OR2I1: variants seen among roughly 807,000 people sequenced by gnomAD.
The protein encoded by OR2I1 is putative olfactory receptor 2I1.
At chr6:29,557,691 G>A in the OR2I1 span, 1 of 152,202 alleles carries the variant, frequency 6.6e-6, no homozygotes, top group Non-Finnish European at 1.5e-5. Context: ...TTTTCAATCA[G>A]AAGCAAAACT....
At chr6:29,553,010 G>GCCAAGCTTGGAGTGTTGGCCAC in the OR2I1 span, 221 of 377,030 alleles carry the variant, frequency 5.9e-4, 2 homozygotes, top group South Asian at 0.011. Flanking sequence ...GTGTTGGCCA[G>GCCAAGCTTGGAGTGTTGGCCAC]GCCAAGCTTG....
chr6:29,554,143 G>C, the OR2I1 span: 1 of 399,350 alleles, frequency 2.5e-6, no homozygotes, highest in Non-Finnish European at 4.4e-6. Context: ...GCGGAGTCTG[G>C]GGAGAGGCCA....
chr6:29,556,054 C>G, the OR2I1 span: 1 of 1,613,142 alleles, frequency 6.2e-7, no homozygotes, highest in Non-Finnish European at 8.5e-7. Context: ...CTGAGCTGGA[C>G]CTTCGCACCT....
chr6:29,556,481 C>T, the OR2I1 span: 1 of 624,418 alleles, frequency 1.6e-6, no homozygotes, highest in Non-Finnish European at 2.7e-6. Context: ...AGCCAGTGTC[C>T]CTCTCTTTCT....
chr6:29,550,537 C>T, the OR2I1 span: 2 of 152,202 alleles, frequency 1.3e-5, no homozygotes, highest in African/African-American at 4.8e-5. Context: ...GGTCTGTACC[C>T]CATTACAAGG....
At chr6:29,556,303 G>T in the OR2I1 span, 1 of 1,612,832 alleles carries the variant, frequency 6.2e-7, no homozygotes, top group African/African-American at 1.3e-5. Flanking sequence ...TGTCATATGG[G>T]TTGGCATCAA....
the OR2I1 span, chr6:29,557,502 C>A: frequency 6.6e-6 from 1 of 152,208 alleles, no homozygotes; most frequent in South Asian, 2.1e-4. Context: ...GTTAAGTCTC[C>A]ACTTCAGAGT....
the OR2I1 span, chr6:29,557,385 T>C: frequency 6.6e-6 from 1 of 152,230 alleles, no homozygotes; most frequent in Non-Finnish European, 1.5e-5. Context: ...AAGAGACCAC[T>C]GACCATGGAC....
the OR2I1 span, among the ~76,000 whole-genome samples, chr6:29,551,624 A>G: frequency 6.6e-6 from 1 of 152,232 alleles, no homozygotes; most frequent in Non-Finnish European, 1.5e-5. Context: ...GGAAACAGAT[A>G]TGACGATAGT....
chr6:29,553,616 G>A, the OR2I1 span: 1 of 398,362 alleles, frequency 2.5e-6, no homozygotes, highest in Non-Finnish European at 4.4e-6. Context: ...CGCTATGCGG[G>A]GCTCGTCTCC....
the OR2I1 span, chr6:29,553,178 T>G: frequency 2.5e-6 from 1 of 398,664 alleles, no homozygotes; most frequent in Non-Finnish European, 4.4e-6. Context: ...GTAGTCACCC[T>G]TTTTTATTTC....
chr6:29,554,368 AG>A, the OR2I1 span: 1 of 387,564 alleles, frequency 2.6e-6, no homozygotes. Flanking sequence ...CTATATACTC[AG>A]GTTTAGGGAA....
the OR2I1 span, chr6:29,554,405 C>G: frequency 3.9e-5 from 14 of 356,744 alleles, no homozygotes; most frequent in Non-Finnish European, 6.0e-5. Flanking sequence ...CACAACTCCA[C>G]GCGCAGGGAA....
At chr6:29,555,962 A>G in the OR2I1 span, 6 of 1,613,088 alleles carry the variant, frequency 3.7e-6, no homozygotes, top group South Asian at 4.4e-5. Flanking sequence ...CCCATCTTCC[A>G]GTCTCTTTCC....
the OR2I1 span, chr6:29,556,043 A>G: frequency 6.2e-7 from 1 of 1,613,048 alleles, no homozygotes; most frequent in African/African-American, 1.3e-5. Flanking sequence ...CACTTGTGCC[A>G]CTGAGCTGGA....
chr6:29,552,414 T>C, the OR2I1 span, among the ~76,000 whole-genome samples: 1 of 152,178 alleles, frequency 6.6e-6, no homozygotes, highest in Non-Finnish European at 1.5e-5. Flanking sequence ...TTATTCCTGA[T>C]TTAAAGGCTA....
chr6:29,553,166 G>C, the OR2I1 span: 1 of 398,390 alleles, frequency 2.5e-6, no homozygotes, highest in African/African-American at 2.1e-5. Flanking sequence ...TGCTTATAAG[G>C]GGTAGTCACC....
At chr6:29,556,617 G>C in the OR2I1 span, 1 of 477,422 alleles carries the variant, frequency 2.1e-6, no homozygotes, top group Non-Finnish European at 3.7e-6. Flanking sequence ...CCAACCAACT[G>C]AACGGACGCT....
At chr6:29,554,745 T>A in the OR2I1 span, 1 of 151,910 alleles carries the variant, frequency 6.6e-6, no homozygotes, top group Non-Finnish European at 1.5e-5. Context: ...GAGCAAGTTT[T>A]AAAGAAACAA....
Sources: gnomAD v4.1 joint callset for allele counts (sites outside exome capture counted in the v4.1 genomes callset) on GRCh38, gnomAD v4.1.1 for gene constraint, MANE v1.5 for transcripts, NCBI Gene and HGNC (gene_info 2026-07-23, HGNC 2026-07-21) for gene names.